GLIS3: variants seen among roughly 807,000 people sequenced by gnomAD.
GLIS3 encodes GLIS family zinc finger 3, also known as zinc finger protein GLIS3.
A neutral mutation model predicts 78.6 loss-of-function variants in GLIS3; 53 were observed. The observed-to-expected ratio is 0.67, with a 90% CI of 0.54 to 0.85. The LOEUF (loss-of-function observed/expected upper bound fraction) is 0.85. Ranked by LOEUF, GLIS3 falls within the 40% of genes least tolerant of loss-of-function variation. GLIS3 has a pLI of 0.00. For synonymous variants in GLIS3, 684 were observed against 509.9 expected (o/e 1.34, Z -4.60); for missense variants, 1,703 against 1,231.1 (o/e 1.38, Z -5.74).
chr9:4,421,465 T>C, the GLIS3 span, among the ~76,000 whole-genome samples: 114 of 152,376 alleles, frequency 7.5e-4, no homozygotes, highest in African/African-American at 2.7e-3. Context: ...TGATCCATCA[T>C]ACCTGATCAA....
At chr9:4,399,404 A>G in the GLIS3 span, among the ~76,000 whole-genome samples, 1 of 152,208 alleles carries the variant, frequency 6.6e-6, no homozygotes, top group Non-Finnish European at 1.5e-5. Context: ...TTCTCTTACA[A>G]CAGCACTGAA....
chr9:4,395,355 C>T, the GLIS3 span, among the ~76,000 whole-genome samples: 1 of 152,150 alleles, frequency 6.6e-6, no homozygotes, highest in Non-Finnish European at 1.5e-5. Context: ...ACATGATTTT[C>T]TTTTTCTCCC....
intron 2 of GLIS3, among the ~76,000 whole-genome samples, chr9:4,195,069 G>T (rs1291633693): frequency 1.3e-5 from 2 of 152,242 alleles, no homozygotes; most frequent in African/African-American, 4.8e-5. Flanking sequence ...CAGCAGTAGG[G>T]CTAGAACTGT....
At chr9:4,181,310 A>G (rs1194958427) in intron 2 of GLIS3, among the ~76,000 whole-genome samples, 1 of 152,218 alleles carries the variant, frequency 6.6e-6, no homozygotes, top group African/African-American at 2.4e-5. Flanking sequence ...TCCGTCGTTC[A>G]CAGGAACCAT....
intron 4 of GLIS3, among the ~76,000 whole-genome samples, chr9:3,938,399 A>G (rs1826013924): frequency 1.3e-5 from 2 of 152,220 alleles, no homozygotes; most frequent in African/African-American, 4.8e-5. Context: ...GCTGCAAGAA[A>G]TTGTATAAAA....
chr9:4,452,258 G>A, the GLIS3 span, among the ~76,000 whole-genome samples: 7 of 152,134 alleles, frequency 4.6e-5, no homozygotes, highest in East Asian at 7.7e-4. Context: ...TTTGAAAACT[G>A]GCACAAGACA....
intron 7 of GLIS3, among the ~76,000 whole-genome samples, chr9:3,887,061 TCTC>T (rs1822129366): frequency 6.6e-6 from 1 of 152,204 alleles, no homozygotes; most frequent in African/African-American, 2.4e-5. Flanking sequence ...ATCTTTCCCT[TCTC>T]CTTGTGGCAT....
intron 2 of GLIS3, among the ~76,000 whole-genome samples, chr9:4,277,449 G>A (rs574931124): frequency 1.3e-5 from 2 of 152,226 alleles, no homozygotes; most frequent in African/African-American, 4.8e-5. Flanking sequence ...GACTTCCCAG[G>A]TTCTCACAAT....
chr9:4,020,002 C>A (rs572673784), intron 4 of GLIS3, among the ~76,000 whole-genome samples: 1 of 152,296 alleles, frequency 6.6e-6, no homozygotes, highest in Admixed American at 6.5e-5. Context: ...AAGTGATCCA[C>A]CTCCTCCCAA....
At chr9:4,408,600 G>A in the GLIS3 span, among the ~76,000 whole-genome samples, 120 of 148,754 alleles carry the variant, frequency 8.1e-4, 2 homozygotes, top group East Asian at 0.015. Context: ...GGTGGCGGGC[G>A]CCTGTAGTCC....
the GLIS3 span, among the ~76,000 whole-genome samples, chr9:4,483,715 C>A: frequency 7.3e-6 from 1 of 136,968 alleles, no homozygotes; most frequent in South Asian, 2.3e-4. Context: ...AGTGAGACTT[C>A]GTCTTGGGAA....
chr9:3,926,909 G>C lies in GLIS3; in HGVS notation c.1983+5451C>G, dbSNP rs1420815125. ...CAAAGTGCTGGGATTACAGGCGTGA[G>C]CCATTGGGCCTGGCCTCATTTCTAA... On this transcript the variant is annotated intron_variant, in intron 6 of 10. Transcript: ENST00000381971. 8.5e-5 allele frequency among the ~76,000 whole-genome samples: 13 copies of C among 152,210 alleles called. No individual in the cohort carries two copies. In the South Asian group the frequency reaches 2.3e-3, roughly 27 times the overall value.
chr9:4,087,492 C>G (rs991133921), intron 4 of GLIS3, among the ~76,000 whole-genome samples: 1 of 152,144 alleles, frequency 6.6e-6, no homozygotes, highest in Admixed American at 6.5e-5. Flanking sequence ...TAAGGCCTCC[C>G]TCCTCCAGTG....
intron 9 of GLIS3, among the ~76,000 whole-genome samples, chr9:3,839,463 G>T (rs1248134744): frequency 6.6e-6 from 1 of 152,042 alleles, no homozygotes; most frequent in African/African-American, 2.4e-5. Flanking sequence ...CTGTCATAAG[G>T]AAGGAAAGGA....
At chr9:4,311,948 CAGAGAGA>C (rs1817366920) in intron 2 of GLIS3, among the ~76,000 whole-genome samples, 2 of 127,886 alleles carry the variant, frequency 1.6e-5, no homozygotes, top group African/African-American at 4.9e-5. Flanking sequence ...CACGTGGACA[CAGAGAGA>C]AGAACTACAG....
At chr9:4,437,416 G>GTATATATCTATC in the GLIS3 span, among the ~76,000 whole-genome samples, 1 of 107,050 alleles carries the variant, frequency 9.3e-6, no homozygotes, top group Non-Finnish European at 2.2e-5. Context: ...ATGTATGTAT[G>GTATATATCTATC]TATGTATCTA....
intron 2 of GLIS3, among the ~76,000 whole-genome samples, chr9:4,324,263 A>G (rs1031602266): frequency 6.6e-5 from 10 of 152,216 alleles, no homozygotes; most frequent in African/African-American, 2.4e-4. Flanking sequence ...AGATCACTTC[A>G]TAGTGAGGCT....
the GLIS3 span, among the ~76,000 whole-genome samples, chr9:4,381,527 G>T: frequency 1.3e-5 from 2 of 152,158 alleles, no homozygotes. Flanking sequence ...TACTCACAAA[G>T]CCTTACAGGT....
the GLIS3 span, among the ~76,000 whole-genome samples, chr9:4,461,314 G>A: frequency 6.6e-6 from 1 of 152,200 alleles, no homozygotes; most frequent in Admixed American, 6.5e-5. Flanking sequence ...TTTTTAATAT[G>A]AATCATTTGT....
Sources: gnomAD v4.1 joint callset for allele counts (sites outside exome capture counted in the v4.1 genomes callset) on GRCh38, gnomAD v4.1.1 for gene constraint, MANE v1.5 for transcripts, NCBI Gene and HGNC (gene_info 2026-07-23, HGNC 2026-07-21) for gene names.